DCT: variants seen among roughly 807,000 people sequenced by gnomAD.
The protein encoded by DCT is dopachrome tautomerase.
A neutral mutation model predicts 53.0 loss-of-function variants in DCT; 47 were observed. The ratio of observed to expected loss-of-function variants is 0.89; its 90% CI spans 0.70 to 1.13. The LOEUF is 1.13. DCT is among the 50% of genes most tolerant of loss of function. The pLI is 0.00. For missense variants in DCT, 669 were observed against 637.4 expected, an observed-to-expected ratio of 1.05 and a Z score of -0.53; for synonymous variants, 244 against 237.0, an observed-to-expected ratio of 1.03 and a Z score of -0.27.
chr13:94,547,982 AAAATATATAT>A, the DCT span, among the ~76,000 whole-genome samples: 1 of 84,862 alleles, frequency 1.2e-5, no homozygotes, highest in Non-Finnish European at 1.9e-5. Context: ...AAAAAAAAAA[AAAATATATAT>A]ATATATATAT....
At chr13:94,498,621 G>A in the DCT span, among the ~76,000 whole-genome samples, 1 of 152,336 alleles carries the variant, frequency 6.6e-6, no homozygotes, top group South Asian at 2.1e-4. Context: ...ACTTGTTGTT[G>A]AAGCCACCCA....
chr13:94,440,037 AAG>A lies in DCT; in HGVS notation c.1419_1420del (p.Leu474SerfsTer22). ...AGCCACCAGTGTTCCCATGACTACT[AAG>A]AGAGTTGTGGGCCAACCTGGAGTTT... is the stretch of plus-strand genomic sequence containing the variant. On this transcript the variant is annotated frameshift_variant, in exon 8 of 8. Coordinates refer to ENST00000377028, the MANE Select transcript of DCT (RefSeq NM_001922.5). LOFTEE classifies it low-confidence loss of function (END_TRUNC). 3.1e-6 allele frequency: 5 copies of A among 1,614,060 alleles called. No homozygotes were observed. Among genetic ancestry groups the A allele is most frequent in the Non-Finnish European group, 4.2e-6 (5 of 1,179,924 alleles).
upstream of DCT, among the ~76,000 whole-genome samples, chr13:94,484,389 C>A (rs1456781573): frequency 6.6e-6 from 1 of 152,224 alleles, no homozygotes; most frequent in African/African-American, 2.4e-5. Context: ...AGCCTTATGT[C>A]ATTTTCATAT....
At chr13:94,476,532 G>A (rs1885099608) in intron 1 of DCT, among the ~76,000 whole-genome samples, 1 of 145,226 alleles carries the variant, frequency 6.9e-6, no homozygotes, top group Non-Finnish European at 1.5e-5. Flanking sequence ...GCTGCGTGCA[G>A]TGGCGCGATT....
intron 2 of DCT, 115 bp from the exon 3 acceptor site, chr13:94,466,773 G>GA (rs921284054): frequency 1.4e-5 from 7 of 517,184 alleles, no homozygotes; most frequent in African/African-American, 5.9e-5. Context: ...ATAGTAGTAA[G>GA]AAAAAAAAGT....
At chr13:94,450,172 C>T (rs1359495672) in intron 6 of DCT, among the ~76,000 whole-genome samples, 1 of 152,160 alleles carries the variant, frequency 6.6e-6, no homozygotes, top group Non-Finnish European at 1.5e-5. Context: ...GAAGAAGTTC[C>T]TCACCACACG....
At chr13:94,544,440 CT>C in the DCT span, among the ~76,000 whole-genome samples, 2 of 152,146 alleles carry the variant, frequency 1.3e-5, no homozygotes, top group African/African-American at 4.8e-5. Context: ...GTGCTCCCTG[CT>C]TTAAGACAAC....
Position 94,457,317 on chromosome 13 carries a change from T to C in DCT, c.1179+2774A>G, listed in dbSNP as rs547942843. Among the ~76,000 whole-genome samples the C allele has an allele frequency of 3.3e-5, 5 of 152,194 alleles. No individual in the cohort carries two copies. The South Asian group carries it at 8.3e-4, about 25-fold the overall frequency. On this transcript the variant is annotated intron_variant, in intron 6 of 7. Coordinates refer to ENST00000377028, the MANE Select transcript of DCT (RefSeq NM_001922.5). ...TTAAGGTTTAATGAGGTCAGAACCA[T>C]AGGGCCCTGGATTAGTGTTATCATA...
chr13:94,505,788 T>A, the DCT span, among the ~76,000 whole-genome samples: 1 of 152,204 alleles, frequency 6.6e-6, no homozygotes, highest in East Asian at 1.9e-4. Context: ...TAAAGCAAGC[T>A]GCCTTGTTGA....
At chr13:94,503,160 T>A in the DCT span, among the ~76,000 whole-genome samples, 4 of 152,154 alleles carry the variant, frequency 2.6e-5, no homozygotes, top group East Asian at 7.7e-4. Flanking sequence ...CATGGATTGC[T>A]TGAGTCCAGG....
intron 1 of DCT, among the ~76,000 whole-genome samples, chr13:94,470,266 T>C (rs1190612130): frequency 6.6e-6 from 1 of 152,184 alleles, no homozygotes; most frequent in Non-Finnish European, 1.5e-5. Flanking sequence ...GGTGAATCAG[T>C]AGCCATGATG....
chr13:94,501,129 C>A, the DCT span, among the ~76,000 whole-genome samples: 2 of 151,980 alleles, frequency 1.3e-5, no homozygotes, highest in African/African-American at 2.4e-5. Context: ...ATTAGCTGGG[C>A]GTGGTGGCGG....
the DCT span, among the ~76,000 whole-genome samples, chr13:94,523,731 T>A: frequency 6.6e-6 from 1 of 152,182 alleles, no homozygotes; most frequent in African/African-American, 2.4e-5. Context: ...CCTGCCCTAA[T>A]TGGGGAGAAA....
intron 6 of DCT, among the ~76,000 whole-genome samples, chr13:94,455,959 T>G (rs1044008110): frequency 1.3e-5 from 2 of 152,220 alleles, no homozygotes; most frequent in African/African-American, 4.8e-5. Context: ...TAGAGACGTA[T>G]AGTATAAATA....
the DCT span, among the ~76,000 whole-genome samples, chr13:94,543,301 A>G: frequency 2.0e-5 from 3 of 152,158 alleles, no homozygotes; most frequent in Non-Finnish European, 2.9e-5. Flanking sequence ...ACCTCATGCC[A>G]ATCCACACCA....
At chr13:94,545,209 A>G in the DCT span, among the ~76,000 whole-genome samples, 2 of 152,088 alleles carry the variant, frequency 1.3e-5, no homozygotes, top group Non-Finnish European at 2.9e-5. Context: ...TGATCAGATT[A>G]CATTTTTAGA....
rs1594272161 is a variant in DCT at position 94,443,706 on chromosome 13, C to G, written c.1180-69G>C. The G allele has an allele frequency of 2.4e-6, 3 of 1,273,242 alleles. No individual in the cohort carries two copies. The East Asian group carries it at 7.1e-5, about 30-fold the overall frequency. The allele number at this position is 1,273,242 out of a possible 1,614,324, so 78.9% of individuals were successfully genotyped here. ...TCCGATCACACCAACCTGACTGTTG[C>G]TTTCTCTAAAGTGGAATAACTTCTT... is the stretch of plus-strand genomic sequence containing the variant. On this transcript the variant is annotated intron_variant, in intron 6 of 7. Transcript: ENST00000377028.
At chr13:94,544,857 C>A in the DCT span, among the ~76,000 whole-genome samples, 1 of 152,090 alleles carries the variant, frequency 6.6e-6, no homozygotes, top group Admixed American at 6.5e-5. Flanking sequence ...TATATGTACA[C>A]ATTGATGACA....
At chr13:94,512,096 T>A in the DCT span, among the ~76,000 whole-genome samples, 1 of 152,172 alleles carries the variant, frequency 6.6e-6, no homozygotes, top group African/African-American at 2.4e-5. Flanking sequence ...TAGCCATTCC[T>A]GACTTGCCTT....
Sources: gnomAD v4.1 joint callset for allele counts (sites outside exome capture counted in the v4.1 genomes callset) on GRCh38, gnomAD v4.1.1 for gene constraint, MANE v1.5 for transcripts, NCBI Gene and HGNC (gene_info 2026-07-23, HGNC 2026-07-21) for gene names.